APBB2: variants seen among roughly 807,000 people sequenced by gnomAD.
APBB2 encodes amyloid beta precursor protein binding family B member 2, also known as Fe65-like 1.
A neutral mutation model predicts 82.5 loss-of-function variants in APBB2; 38 were observed. That is an observed-to-expected ratio of 0.46 (90% CI 0.36 to 0.60). APBB2 has a LOEUF of 0.60. Ranked by LOEUF, APBB2 falls within the 20% of genes least tolerant of loss-of-function variation. The probability of loss-of-function intolerance (pLI) is 0.00; values close to 1 mark genes in which losing one functional copy is unlikely to be tolerated. For synonymous variants in APBB2, 341 were observed against 368.2 expected, an observed-to-expected ratio of 0.93 and a Z score of 0.85; for missense variants, 772 against 972.3, an observed-to-expected ratio of 0.79 and a Z score of 2.74.
chr4:40,895,122 G>A (rs1773304664), intron 10 of APBB2, among the ~76,000 whole-genome samples: 1 of 152,118 alleles, frequency 6.6e-6, no homozygotes, highest in Non-Finnish European at 1.5e-5. Flanking sequence ...CCCTCTTCCA[G>A]TCACCGTGCA....
chr4:41,164,925 T>C (rs760664180), intron 1 of APBB2, among the ~76,000 whole-genome samples: 14 of 152,236 alleles, frequency 9.2e-5, no homozygotes, highest in Non-Finnish European at 1.8e-4. Context: ...ATAGAGTCCA[T>C]CTTCAGGGAA....
At chr4:40,819,208 CAG>C (rs1746943408) in intron 17 of APBB2, among the ~76,000 whole-genome samples, 1 of 132,788 alleles carries the variant, frequency 7.5e-6, no homozygotes, top group Non-Finnish European at 1.6e-5. Context: ...TTTTTTGAGA[CAG>C]GGTCTCACTC....
At chr4:40,922,895 G>C (rs185002280) in intron 10 of APBB2, among the ~76,000 whole-genome samples, 2 of 151,966 alleles carry the variant, frequency 1.3e-5, no homozygotes, top group African/African-American at 4.8e-5. Flanking sequence ...TGGGATTACA[G>C]GCATGAGCCA....
At chr4:41,032,017 T>C (rs1004596401) in intron 5 of APBB2, among the ~76,000 whole-genome samples, 5 of 152,218 alleles carry the variant, frequency 3.3e-5, no homozygotes, top group Admixed American at 6.5e-5. Context: ...GTCATAGTTT[T>C]TGGCTGTTTT....
intron 3 of APBB2, among the ~76,000 whole-genome samples, chr4:41,078,798 G>A (rs185769767): frequency 1.5e-3 from 234 of 152,288 alleles, no homozygotes; most frequent in Non-Finnish European, 2.5e-3. Flanking sequence ...TATGTCGGGA[G>A]AAGGACTGGG....
chr4:41,079,549 A>AT (rs36207850), intron 3 of APBB2, among the ~76,000 whole-genome samples: 2,205 of 145,064 alleles, frequency 0.015, 54 homozygotes, highest in East Asian at 0.092. Flanking sequence ...AGGCTCATCA[A>AT]TTTTTTTTTT....
chr4:40,914,653 G>A lies in APBB2; in HGVS notation c.1254+19803C>T, dbSNP rs186815825. Among the ~76,000 whole-genome samples the A allele has an allele frequency of 1.5e-4, 23 of 152,354 alleles. No individual in the cohort carries two copies. In the East Asian group the frequency reaches 4.4e-3, roughly 29 times the overall value. On this transcript the variant is annotated intron_variant, in intron 10 of 17. Coordinates refer to ENST00000508593, the MANE Select transcript of APBB2 (RefSeq NM_004307.2). ...TAGATACTGATCAGGTGATGAAAAT[G>A]TTGTGACCAGAGGCTTGCAGGAACC... is the stretch of plus-strand genomic sequence containing the variant.
intron 3 of APBB2, among the ~76,000 whole-genome samples, chr4:41,078,510 C>T (rs1476517514): frequency 6.6e-6 from 1 of 152,198 alleles, no homozygotes; most frequent in Admixed American, 6.5e-5. Context: ...TTAATCTGCT[C>T]CTCCTAGCTA....
intron 5 of APBB2, among the ~76,000 whole-genome samples, chr4:41,026,844 T>C (rs1714460539): frequency 6.6e-6 from 1 of 152,248 alleles, no homozygotes; most frequent in Non-Finnish European, 1.5e-5. Flanking sequence ...GATAGCTTTT[T>C]TTGATAAACA....
At chr4:41,031,546 C>T (rs546763074) in intron 5 of APBB2, among the ~76,000 whole-genome samples, 23 of 152,224 alleles carry the variant, frequency 1.5e-4, no homozygotes, top group Admixed American at 3.3e-4. Flanking sequence ...GTTATAACCA[C>T]CAAAGAATAA....
intron 1 of APBB2, among the ~76,000 whole-genome samples, chr4:41,197,502 G>A: frequency 6.6e-6 from 1 of 152,212 alleles, no homozygotes; most frequent in Non-Finnish European, 1.5e-5. Context: ...AAATACAGAG[G>A]TACAGAGAGG....
intron 1 of APBB2, among the ~76,000 whole-genome samples, chr4:41,176,685 C>T (rs1478700138): frequency 1.3e-5 from 2 of 152,068 alleles, no homozygotes; most frequent in Non-Finnish European, 2.9e-5. Context: ...CTTATCTACA[C>T]TGGCCCATAG....
At chr4:40,951,992 G>A (rs543735762) in intron 6 of APBB2, among the ~76,000 whole-genome samples, 18 of 152,086 alleles carry the variant, frequency 1.2e-4, no homozygotes, top group African/African-American at 4.1e-4. Flanking sequence ...TTTGAGACCA[G>A]CCTGGCCAAC....
chr4:40,952,191 A>G (rs1790387365), intron 6 of APBB2, among the ~76,000 whole-genome samples: 1 of 150,864 alleles, frequency 6.6e-6, no homozygotes, highest in South Asian at 2.1e-4. Context: ...GTCTCAAAAA[A>G]AAAAAAAAAA....
chr4:40,825,922 T>C lies in APBB2; in HGVS notation c.1781A>G (p.Gln594Arg), dbSNP rs12642508. 9.5e-5 allele frequency: 154 copies of C among 1,614,152 alleles called. No individual in the cohort carries two copies. In the East Asian group the frequency reaches 3.2e-3, roughly 33 times the overall value. Reference protein sequence around the residue: ...KTELVQKFHVQYLGMLPVDKP... With the variant: ...KTELVQKFHVRYLGMLPVDKP... ...GTCTACAGGTAACATGCCCAAGTACTGCACGTGGAACTTCTGGACCAGCTC... is the reference window on the plus strand; with the variant it reads ...GTCTACAGGTAACATGCCCAAGTACCGCACGTGGAACTTCTGGACCAGCTC... Residue 594 changes from glutamine to arginine, a missense_variant, in exon 15 of 18, where the codon CAG becomes CGG. Physicochemically the swap from Gln to Arg is conservative, Grantham distance 43. Coordinates refer to ENST00000508593, the MANE Select transcript of APBB2 (RefSeq NM_004307.2).
chr4:41,029,958 C>A (rs1467941773), intron 5 of APBB2, among the ~76,000 whole-genome samples: 1 of 152,052 alleles, frequency 6.6e-6, no homozygotes, highest in East Asian at 1.9e-4. Flanking sequence ...AGATCAAGGC[C>A]ATCCTGGCTA....
chr4:41,077,314 T>G (rs1735990697), intron 3 of APBB2, among the ~76,000 whole-genome samples: 1 of 150,642 alleles, frequency 6.6e-6, no homozygotes, highest in Non-Finnish European at 1.5e-5. Flanking sequence ...CAGCCAGGGA[T>G]TTTTTTTTAA....
chr4:40,830,017 T>C (rs181018531), intron 13 of APBB2, among the ~76,000 whole-genome samples: 2 of 152,292 alleles, frequency 1.3e-5, no homozygotes, highest in East Asian at 3.9e-4. Context: ...CCCTGGAAAA[T>C]CCGCTTTGAC....
intron 1 of APBB2, among the ~76,000 whole-genome samples, chr4:41,205,689 T>TA (rs549772446): frequency 2.0e-4 from 31 of 152,318 alleles, no homozygotes; most frequent in African/African-American, 7.2e-4. Flanking sequence ...AGTCAAAAGG[T>TA]AAAGTTTTTG....
Sources: gnomAD v4.1 joint callset for allele counts (sites outside exome capture counted in the v4.1 genomes callset) on GRCh38, gnomAD v4.1.1 for gene constraint, MANE v1.5 for transcripts, NCBI Gene and HGNC (gene_info 2026-07-23, HGNC 2026-07-21) for gene names.